The following TNPO3 variants were observed in gnomAD, a reference collection of about 807,000 sequenced individuals.
TNPO3 encodes the protein transportin-3.
In TNPO3, 65 loss-of-function variants were observed where a neutral mutation model predicts 122.8. The observed-to-expected ratio is 0.53, with a 90% CI of 0.43 to 0.65. The LOEUF (loss-of-function observed/expected upper bound fraction) is 0.65, where lower values mean the gene tolerates loss of function less well. Among genes scored for constraint, TNPO3 ranks in the 30% least tolerant of loss-of-function variants. The pLI is 0.00. For synonymous variants in TNPO3, 372 were observed against 411.2 expected (o/e 0.90, Z 1.15); for missense variants, 850 against 1,136.7 (o/e 0.75, Z 3.63).
chr7:129,054,467 G>A (rs10266077), intron 1 of TNPO3, among the ~76,000 whole-genome samples, 184 bp downstream of exon 1: 2 of 152,164 alleles, frequency 1.3e-5, no homozygotes, highest in East Asian at 3.8e-4. Context: ...GTTCGCGACC[G>A]ATCAGGTGCG....
At chr7:128,965,777 G>A (rs1337155231) in intron 21 of TNPO3, among the ~76,000 whole-genome samples, 2 of 152,192 alleles carry the variant, frequency 1.3e-5, no homozygotes, top group African/African-American at 2.4e-5. Flanking sequence ...TCTGGCACAC[G>A]CTACAACATA....
At position 128,955,221 on chromosome 7, in the gene TNPO3, C is replaced by G; in HGVS notation, c.*196G>C. The G allele has an allele frequency of 2.4e-6, 1 of 412,480 alleles. No homozygotes were observed. Among genetic ancestry groups the G allele is most frequent in the East Asian group, 8.9e-5 (1 of 11,290 alleles). 25.6% of individuals were successfully genotyped at this position (412,480 alleles called of 1,614,324 possible). On this transcript the variant is annotated 3_prime_UTR_variant, in exon 23 of 23. Transcript: ENST00000265388. ...TCCGCGCTGATTTTCCCTCACACCC[C>G]CAAACAGGAACTCCTCAGGATGGCC... is the stretch of plus-strand genomic sequence containing the variant.
At chr7:129,044,386 GA>G (rs1179894285) in intron 1 of TNPO3, among the ~76,000 whole-genome samples, 2 of 152,028 alleles carry the variant, frequency 1.3e-5, no homozygotes, top group African/African-American at 2.4e-5. Flanking sequence ...ACACAAAATA[GA>G]AAAAAGAATT....
intron 21 of TNPO3, among the ~76,000 whole-genome samples, chr7:128,959,115 C>T (rs551085405): frequency 9.2e-5 from 14 of 152,348 alleles, no homozygotes; most frequent in African/African-American, 3.4e-4. Context: ...TCTCATTTTA[C>T]TTCCAAATTA....
intron 16 of TNPO3, among the ~76,000 whole-genome samples, chr7:128,978,206 AGAT>A (rs760447994): frequency 1.3e-5 from 2 of 152,282 alleles, no homozygotes; most frequent in Non-Finnish European, 2.9e-5. Flanking sequence ...ATACAGTTCT[AGAT>A]GAGAATATGA....
Position 129,054,774 on chromosome 7 carries a change from G to A in TNPO3, c.-4C>T, listed in dbSNP as rs1563116624. The A allele has an allele frequency of 6.2e-7, 1 of 1,614,074 alleles. No homozygotes were observed. Among genetic ancestry groups the A allele is most frequent in the East Asian group, 2.2e-5 (1 of 44,868 alleles). ...ATGTCGGCTTTGCTCCTTCCATGGT[G>A]GTGGCGGTAGTGGCGGTAGCGACGG... On this transcript the variant is annotated 5_prime_UTR_variant, in exon 1 of 23. Transcript: ENST00000265388.
intron 1 of TNPO3, among the ~76,000 whole-genome samples, chr7:129,023,282 G>C (rs1804747154): frequency 6.6e-6 from 1 of 151,516 alleles, no homozygotes; most frequent in African/African-American, 2.4e-5. Flanking sequence ...AAATTCATGA[G>C]GTATTTTACC....
chr7:129,038,972 C>G (rs566649531), intron 1 of TNPO3, among the ~76,000 whole-genome samples: 3 of 151,950 alleles, frequency 2.0e-5, no homozygotes, highest in Non-Finnish European at 4.4e-5. Flanking sequence ...ATCCCTGAAC[C>G]TAAAAGTTTT....
intron 7 of TNPO3, among the ~76,000 whole-genome samples, chr7:129,000,169 A>G (rs1176559359): frequency 1.3e-5 from 2 of 152,188 alleles, no homozygotes; most frequent in Non-Finnish European, 2.9e-5. Context: ...CAAGGGGTTC[A>G]TTGGAAAGGC....
Position 129,030,313 on chromosome 7 carries a change from G to A in TNPO3, c.121-12156C>T, listed in dbSNP as rs371323274. On this transcript the variant is annotated intron_variant, in intron 1 of 22. Coordinates refer to ENST00000265388, the MANE Select transcript of TNPO3 (RefSeq NM_012470.4). ...TTGGATGCTCTTTAAAAACATGGGC[G>A]CTGACACTGTTGCTGCTACTTGTAC... 4.4e-5 allele frequency: 11 copies of A among 251,296 alleles called. No homozygotes were observed. In the South Asian group the frequency reaches 4.6e-4, roughly 10 times the overall value. The allele number at this position is 251,296 out of a possible 1,614,324, so 15.6% of individuals were successfully genotyped here.
At chr7:128,971,992 CA>C (rs1305661978) in intron 19 of TNPO3, among the ~76,000 whole-genome samples, 1 of 152,114 alleles carries the variant, frequency 6.6e-6, no homozygotes, top group Non-Finnish European at 1.5e-5. Context: ...GCCATCTCTA[CA>C]AAAAATATAA....
At chr7:129,035,515 T>G (rs1452185541) in intron 1 of TNPO3, among the ~76,000 whole-genome samples, 1 of 151,898 alleles carries the variant, frequency 6.6e-6, no homozygotes, top group Non-Finnish European at 1.5e-5. Context: ...TTGGAGGCTG[T>G]GGTGGGAGGT....
rs79484294 is a variant in TNPO3 at position 128,996,886 on chromosome 7, T to C, written c.1158+503A>G. ...TCTTATATAATTCATATAACTCTTG[T>C]TATACTGCTGTACATGGGTTTATAA... On this transcript the variant is annotated intron_variant, in intron 8 of 22. Transcript: ENST00000265388. Among the ~76,000 whole-genome samples, 4 of 152,316 alleles carry C rather than the reference T, an allele frequency of 2.6e-5. No individual in the cohort carries two copies. The East Asian group carries it at 5.8e-4, about 22-fold the overall frequency.
At chr7:128,975,562 C>T (rs2128999663) in intron 17 of TNPO3, among the ~76,000 whole-genome samples, 1 of 152,286 alleles carries the variant, frequency 6.6e-6, no homozygotes, top group East Asian at 1.9e-4. Flanking sequence ...CCCCTCCAAA[C>T]ACCCTATCTC....
At chr7:129,027,380 G>A (rs993228051) in intron 1 of TNPO3, among the ~76,000 whole-genome samples, 10 of 151,420 alleles carry the variant, frequency 6.6e-5, no homozygotes, top group Admixed American at 6.6e-4. Context: ...GACTAATATG[G>A]TGAAACCCCA....
At chr7:129,054,610 C>A (rs1809256308) in intron 1 of TNPO3, 41 bp downstream of exon 1, 1 of 1,609,882 alleles carries the variant, frequency 6.2e-7, no homozygotes, top group South Asian at 1.1e-5. Context: ...TCCACCCCGC[C>A]CCGGCCGTGC....
intron 5 of TNPO3, among the ~76,000 whole-genome samples, chr7:129,003,085 T>TG (rs1244320835): frequency 7.1e-6 from 1 of 140,456 alleles, no homozygotes; most frequent in Admixed American, 7.1e-5. Context: ...TAGCCAGGTG[T>TG]GGTGGCACAC....
chr7:129,056,039 C>T, upstream of TNPO3: 1 of 1,133,114 alleles, frequency 8.8e-7, no homozygotes. Context: ...CCAGGAAGTT[C>T]TTCGTGGGGA....
At chr7:128,994,705 C>T (rs1801121831) in intron 8 of TNPO3, among the ~76,000 whole-genome samples, 1 of 152,286 alleles carries the variant, frequency 6.6e-6, no homozygotes, top group East Asian at 1.9e-4. Context: ...GTCACCCAGG[C>T]TGGAGTGCAG....
Sources: allele counts gnomAD v4.1 joint callset (sites outside exome capture counted in the v4.1 genomes callset), GRCh38; gene constraint gnomAD v4.1.1; transcripts MANE v1.5; gene names NCBI Gene and HGNC (gene_info 2026-07-23, HGNC 2026-07-21).